Variants in RAPGEF2 observed in about 807,000 individuals in gnomAD.
The protein encoded by RAPGEF2 is Rap guanine nucleotide exchange factor 2, also known as PDZ domain containing guanine nucleotide exchange factor (GEF) 1.
Under a neutral mutation model 186.7 loss-of-function variants are expected in RAPGEF2, and 54 were observed. The observed-to-expected ratio is 0.29, with a 90% CI of 0.23 to 0.36. RAPGEF2 has a LOEUF of 0.36. Ranked by LOEUF, RAPGEF2 falls within the 10% of genes least tolerant of loss-of-function variation. RAPGEF2 has a pLI of 1.00. For missense variants in RAPGEF2, 1,532 were observed against 2,045.0 expected, an observed-to-expected ratio of 0.75 and a Z score of 4.84; for synonymous variants, 712 against 705.9, an observed-to-expected ratio of 1.01 and a Z score of -0.14.
chr4:159,186,763 A>G lies in RAPGEF2; in HGVS notation c.140+51A>G, dbSNP rs147812482. On this transcript the variant is annotated intron_variant, in intron 2 of 29. Transcript: ENST00000691494. ...TCATAGAATGGTAAAAATTTGAAGC[A>G]TGTAACAATTTAACATTTTAATTTT... 1.1e-4 allele frequency: 115 copies of G among 1,041,322 alleles called. No individual in the cohort carries two copies. The African/African-American group carries it at 1.7e-3, about 15-fold the overall frequency. The allele number at this position is 1,041,322 out of a possible 1,614,324, so 64.5% of individuals were successfully genotyped here.
chr4:159,145,281 C>T (rs1373319968), intron 1 of RAPGEF2, among the ~76,000 whole-genome samples: 2 of 152,056 alleles, frequency 1.3e-5, no homozygotes, highest in Non-Finnish European at 2.9e-5. Flanking sequence ...TATATCAGTG[C>T]TTGCTGTCGG....
At chr4:159,114,316 C>G (rs549065833) in intron 1 of RAPGEF2, among the ~76,000 whole-genome samples, 2 of 152,126 alleles carry the variant, frequency 1.3e-5, no homozygotes, top group African/African-American at 4.8e-5. Flanking sequence ...GTTGGTCAGG[C>G]TGGTCTCGAA....
intron 10 of RAPGEF2, among the ~76,000 whole-genome samples, chr4:159,322,825 A>G (rs1341574804): frequency 6.6e-6 from 1 of 152,190 alleles, no homozygotes; most frequent in Non-Finnish European, 1.5e-5. Flanking sequence ...GACCCCTGAT[A>G]AAACCATCAG....
chr4:159,237,269 C>T (rs1336602241), intron 4 of RAPGEF2, among the ~76,000 whole-genome samples: 2 of 152,152 alleles, frequency 1.3e-5, no homozygotes, highest in Admixed American at 1.3e-4. Context: ...GATCAGCCCT[C>T]CTCAGGCTTC....
At chr4:159,133,570 C>T (rs982161426) in intron 1 of RAPGEF2, among the ~76,000 whole-genome samples, 3 of 151,426 alleles carry the variant, frequency 2.0e-5, no homozygotes, top group Non-Finnish European at 2.9e-5. Context: ...TGCCACCACG[C>T]GTGGCTACTT....
intron 7 of RAPGEF2, among the ~76,000 whole-genome samples, chr4:159,263,336 G>T (rs1157718079): frequency 2.6e-5 from 4 of 152,154 alleles, no homozygotes; most frequent in African/African-American, 7.2e-5. Context: ...TTTTGCATTG[G>T]CTTAGTGCTT....
intron 8 of RAPGEF2, among the ~76,000 whole-genome samples, chr4:159,308,022 G>A (rs1763517468): frequency 1.3e-5 from 2 of 152,122 alleles, no homozygotes; most frequent in Non-Finnish European, 1.5e-5. Flanking sequence ...ATATTCTGAG[G>A]GGAATTCTAG....
intron 1 of RAPGEF2, among the ~76,000 whole-genome samples, chr4:159,122,979 T>G (rs1739876797): frequency 6.6e-6 from 1 of 152,220 alleles, no homozygotes. Flanking sequence ...TATTATTTAT[T>G]AAACAAATTT....
At chr4:159,277,813 T>G (rs1011352060) in intron 7 of RAPGEF2, among the ~76,000 whole-genome samples, 2 of 152,226 alleles carry the variant, frequency 1.3e-5, no homozygotes, top group African/African-American at 4.8e-5. Flanking sequence ...TCTTTGTAGA[T>G]TCTGGATATT....
At chr4:159,113,308 CAG>C (rs1008002161) in intron 1 of RAPGEF2, among the ~76,000 whole-genome samples, 75 of 152,278 alleles carry the variant, frequency 4.9e-4, no homozygotes, top group African/African-American at 1.8e-3. Context: ...GCTGGGTAAA[CAG>C]GGGATCTTTG....
At chr4:159,256,906 A>T in intron 7 of RAPGEF2, among the ~76,000 whole-genome samples, 1 of 151,594 alleles carries the variant, frequency 6.6e-6, no homozygotes, top group African/African-American at 2.4e-5. Context: ...TTTTCTTGTA[A>T]ATTTTTTTTG....
chr4:159,197,259 T>C (rs1748740709), intron 3 of RAPGEF2, among the ~76,000 whole-genome samples: 1 of 152,256 alleles, frequency 6.6e-6, no homozygotes, highest in Non-Finnish European at 1.5e-5. Flanking sequence ...AACCTGGGGC[T>C]GTCTCATAGT....
chr4:159,303,231 G>A (rs1490203137), intron 7 of RAPGEF2, among the ~76,000 whole-genome samples: 1 of 152,140 alleles, frequency 6.6e-6, no homozygotes, highest in Non-Finnish European at 1.5e-5. Context: ...TCTCCCTTGT[G>A]AGGCTTACTC....
At chr4:159,334,650 T>C (rs11100217) in intron 17 of RAPGEF2, among the ~76,000 whole-genome samples, 95,499 of 152,062 alleles carry the variant, frequency 0.63, 31,596 homozygotes, top group African/African-American at 0.81. Flanking sequence ...TCATATGACC[T>C]TGGCAAGTAT....
At chr4:159,125,913 G>A (rs1740251129) in intron 1 of RAPGEF2, among the ~76,000 whole-genome samples, 1 of 152,170 alleles carries the variant, frequency 6.6e-6, no homozygotes, top group Non-Finnish European at 1.5e-5. Flanking sequence ...TGGTTCAGGA[G>A]AGACACTGAC....
chr4:159,210,438 T>A, intron 3 of RAPGEF2, 62 bp from the exon 4 acceptor site: 1 of 1,154,210 alleles, frequency 8.7e-7, no homozygotes, highest in Non-Finnish European at 1.2e-6. Context: ...GTGCTATATG[T>A]TTTAATTTTT....
chr4:159,138,702 A>G (rs527970441), intron 1 of RAPGEF2, among the ~76,000 whole-genome samples: 1 of 152,324 alleles, frequency 6.6e-6, no homozygotes, highest in South Asian at 2.1e-4. Flanking sequence ...TTTTGAAATT[A>G]TATATTGAGT....
chr4:159,308,434 C>G (rs1232028172), intron 8 of RAPGEF2, among the ~76,000 whole-genome samples: 1 of 152,168 alleles, frequency 6.6e-6, no homozygotes, highest in Non-Finnish European at 1.5e-5. Context: ...AATGAGAAGT[C>G]TGACATGCAT....
At chr4:159,259,245 G>A (rs1253323800) in intron 7 of RAPGEF2, among the ~76,000 whole-genome samples, 1 of 152,150 alleles carries the variant, frequency 6.6e-6, no homozygotes, top group Non-Finnish European at 1.5e-5. Flanking sequence ...AACTTAAAAT[G>A]TGGCCCAAAG....
Sources: allele counts gnomAD v4.1 joint callset (sites outside exome capture counted in the v4.1 genomes callset), GRCh38; gene constraint gnomAD v4.1.1; transcripts MANE v1.5; gene names NCBI Gene and HGNC (gene_info 2026-07-23, HGNC 2026-07-21).